TCAIM: variants seen among roughly 807,000 people sequenced by gnomAD.
TCAIM encodes the protein T cell activation inhibitor, mitochondrial, also known as T-cell activation inhibitor, mitochondrial.
TCAIM carries 36 observed loss-of-function variants against 58.6 expected under a neutral mutation model. That is an observed-to-expected ratio of 0.61 (90% CI 0.47 to 0.81). The LOEUF is 0.81. TCAIM is among the 30% of genes least tolerant of loss of function. The pLI is 0.00. For synonymous variants in TCAIM, 172 were observed against 193.6 expected, an observed-to-expected ratio of 0.89 and a Z score of 0.93; for missense variants, 466 against 579.6, an observed-to-expected ratio of 0.80 and a Z score of 2.01.
chr3:44,405,951 C>CA (rs10579882), intron 10 of TCAIM, among the ~76,000 whole-genome samples: 19,824 of 112,904 alleles, frequency 0.18, 1,711 homozygotes, highest in Middle Eastern at 0.24. Flanking sequence ...GACTCCATCT[C>CA]AAAAAAAAAA....
At chr3:44,397,009 TA>T (rs1701946572) in intron 8 of TCAIM, among the ~76,000 whole-genome samples, 175 bp downstream of exon 8, 2 of 152,226 alleles carry the variant, frequency 1.3e-5, no homozygotes, top group African/African-American at 4.8e-5. Flanking sequence ...ACCATGTACT[TA>T]AAATACTTAA....
chr3:44,352,054 G>A (rs1701102529), intron 1 of TCAIM, among the ~76,000 whole-genome samples: 1 of 148,098 alleles, frequency 6.8e-6, no homozygotes, highest in South Asian at 2.1e-4. Flanking sequence ...AGTTATATAT[G>A]TATTATATAT....
At chr3:44,359,307 A>G (rs1179999630) in intron 3 of TCAIM, 1 of 156,580 alleles carries the variant, frequency 6.4e-6, no homozygotes, top group African/African-American at 2.4e-5. Flanking sequence ...CATTCCAAAG[A>G]AAGGTCTGAC....
intron 6 of TCAIM, among the ~76,000 whole-genome samples, chr3:44,394,319 A>T (rs1307016885): frequency 1.3e-5 from 2 of 152,170 alleles, no homozygotes; most frequent in Non-Finnish European, 2.9e-5. Context: ...TCATCACACT[A>T]ATCATTTTCA....
At chr3:44,390,724 AT>A (rs1001914632) in intron 5 of TCAIM, among the ~76,000 whole-genome samples, 15 of 152,048 alleles carry the variant, frequency 9.9e-5, no homozygotes, top group Non-Finnish European at 1.9e-4. Context: ...TAATCCTAGC[AT>A]TTTGGCAGGT....
intron 3 of TCAIM, among the ~76,000 whole-genome samples, chr3:44,359,999 T>C (rs575195589): frequency 6.6e-6 from 1 of 152,318 alleles, no homozygotes; most frequent in Admixed American, 6.5e-5. Context: ...GAGCATCCTT[T>C]TCCCAGATAT....
intron 5 of TCAIM, among the ~76,000 whole-genome samples, chr3:44,377,837 G>C (rs1414972849): frequency 4.6e-5 from 7 of 152,032 alleles, no homozygotes. Context: ...AAAATAAAAA[G>C]AAATCCCAAG....
chr3:44,387,553 G>A (rs769965895), intron 5 of TCAIM, among the ~76,000 whole-genome samples: 2 of 152,210 alleles, frequency 1.3e-5, no homozygotes, highest in Non-Finnish European at 2.9e-5. Context: ...TGGAGCCAGT[G>A]CCTGTGCTGG....
intron 5 of TCAIM, among the ~76,000 whole-genome samples, chr3:44,375,679 T>C (rs1021645938): frequency 2.6e-5 from 4 of 152,212 alleles, no homozygotes; most frequent in Non-Finnish European, 4.4e-5. Context: ...TACCCTATGA[T>C]GGCTATATTC....
At chr3:44,351,886 A>G (rs1701098687) in intron 1 of TCAIM, among the ~76,000 whole-genome samples, 1 of 152,082 alleles carries the variant, frequency 6.6e-6, no homozygotes, top group African/African-American at 2.4e-5. Context: ...AAATTGAAGT[A>G]TCCATTTTTG....
At chr3:44,370,384 AG>A (rs1701445546) in intron 5 of TCAIM, among the ~76,000 whole-genome samples, 2 of 146,222 alleles carry the variant, frequency 1.4e-5, no homozygotes, top group Non-Finnish European at 3.0e-5. Context: ...TGAACCGGGG[AG>A]GTGGAGGTTG....
chr3:44,390,091 C>A (rs1575272144), intron 5 of TCAIM, among the ~76,000 whole-genome samples: 1 of 152,168 alleles, frequency 6.6e-6, no homozygotes, highest in East Asian at 1.9e-4. Context: ...AATTGCTTAT[C>A]TCTATATTCC....
intron 5 of TCAIM, among the ~76,000 whole-genome samples, chr3:44,385,286 A>G (rs973155527): frequency 1.3e-5 from 2 of 152,338 alleles, no homozygotes; most frequent in East Asian, 3.9e-4. Flanking sequence ...GGTTGAGAAA[A>G]TGTCCTGATG....
chr3:44,398,020 A>G (rs1701961197), intron 8 of TCAIM, among the ~76,000 whole-genome samples: 1 of 146,256 alleles, frequency 6.8e-6, no homozygotes, highest in African/African-American at 2.6e-5. Context: ...AATTCAGCAG[A>G]AAAAAAAAAA....
At chr3:44,349,233 C>T (rs984192115) in intron 1 of TCAIM, among the ~76,000 whole-genome samples, 8 of 152,096 alleles carry the variant, frequency 5.3e-5, no homozygotes, top group Non-Finnish European at 7.4e-5. Context: ...AGGAAGGGAC[C>T]GACGTGTAAA....
intron 5 of TCAIM, among the ~76,000 whole-genome samples, chr3:44,388,405 GTCTTTCCA>G (rs1420900014): frequency 6.6e-6 from 1 of 152,058 alleles, no homozygotes; most frequent in Admixed American, 6.6e-5. Flanking sequence ...TTTGTAGAAT[GTCTTTCCA>G]TTTGTTTATC....
chr3:44,362,403 C>A, intron 4 of TCAIM: 2 of 400,820 alleles, frequency 5.0e-6, no homozygotes, highest in East Asian at 7.1e-5. Flanking sequence ...TACACCTCAC[C>A]CTCCCCCGGC....
In TCAIM at chr3:44,407,527, A is replaced by T. The variant is rs142524343; in HGVS notation, c.1336A>T (p.Ser446Cys). Reference protein sequence around the residue: ...EKLYKEPSISSIQMVDCCKRL... With the variant: ...EKLYKEPSISCIQMVDCCKRL... Reference sequence around the variant, plus strand: ...GTTATATAAAGAGCCCAGCATTTCTAGTATACAAATGGTGGATTGTTGTAA... The same window carrying T: ...GTTATATAAAGAGCCCAGCATTTCTTGTATACAAATGGTGGATTGTTGTAA... Residue 446 changes from serine (S) to cysteine (C), a missense_variant, in exon 11 of 11, where the codon AGT becomes TGT. Physicochemically the swap from Ser to Cys is moderately radical, Grantham distance 112. Transcript: ENST00000342649. 102 of 1,613,662 alleles carry T rather than the reference A, an allele frequency of 6.3e-5. No individual in the cohort carries two copies. The African/African-American group carries it at 1.2e-3, about 19-fold the overall frequency.
chr3:44,366,500 C>T (rs1400426819), intron 4 of TCAIM, among the ~76,000 whole-genome samples: 16 of 135,076 alleles, frequency 1.2e-4, no homozygotes, highest in Non-Finnish European at 1.4e-4. Flanking sequence ...GAGTCTCGCT[C>T]TGTCACCCAG....
Sources: gnomAD v4.1 joint callset for allele counts (sites outside exome capture counted in the v4.1 genomes callset) on GRCh38, gnomAD v4.1.1 for gene constraint, MANE v1.5 for transcripts, NCBI Gene and HGNC (gene_info 2026-07-23, HGNC 2026-07-21) for gene names.